SELP: variants seen among roughly 807,000 people sequenced by gnomAD.
SELP encodes the protein P-selectin.
SELP carries 92 observed loss-of-function variants against 104.1 expected under a neutral mutation model. The observed-to-expected ratio is 0.88, with a 90% confidence interval of 0.75 to 1.05. The LOEUF is 1.05. Ranked by LOEUF, SELP falls within the 50% of genes least tolerant of loss-of-function variation. The pLI is 0.00. For synonymous variants in SELP, 397 were observed against 364.5 expected (o/e 1.09, Z -1.01); for missense variants, 1,022 against 1,017.3 (o/e 1.00, Z -0.06).
chr1:169,596,609 C>T (rs1317026240), intron 11 of SELP, among the ~76,000 whole-genome samples: 1 of 152,212 alleles, frequency 6.6e-6, no homozygotes. Flanking sequence ...CATTAACTTG[C>T]CATGTGGCAG....
chr1:169,620,196 A>G (rs375557656), intron 1 of SELP, among the ~76,000 whole-genome samples: 2 of 152,134 alleles, frequency 1.3e-5, no homozygotes, highest in South Asian at 2.1e-4. Flanking sequence ...CGACAGTGCA[A>G]GACTCCGTCT....
At chr1:169,624,737 C>CA (rs1188242431) in intron 1 of SELP, among the ~76,000 whole-genome samples, 1 of 151,920 alleles carries the variant, frequency 6.6e-6, no homozygotes, top group African/African-American at 2.4e-5. Context: ...GACTCTTTCT[C>CA]AAAAAACAAA....
chr1:169,612,148 A>G lies in SELP; in HGVS notation c.961+69T>C, dbSNP rs1317847180. 4.7e-6 allele frequency: 7 copies of G among 1,499,090 alleles called. No individual in the cohort carries two copies. In the African/African-American group the frequency reaches 8.3e-5, roughly 18 times the overall value. 92.9% of individuals were successfully genotyped at this position (1,499,090 alleles called of 1,614,324 possible). The stretch of plus-strand genomic sequence containing the variant: ...GGCCAGCTTCTCCATAAGCTGGTCA[A>G]TTTCATCTATGCACTAAGTAAGGAC... On this transcript the variant is annotated intron_variant, in intron 6 of 16. Transcript: ENST00000263686.
At position 169,591,720 on chromosome 1, in the gene SELP, G is replaced by A. The variant is rs1661363435; in HGVS notation, c.2408-264C>T. On this transcript the variant is annotated intron_variant, in intron 14 of 16. Coordinates refer to ENST00000263686, the MANE Select transcript of SELP (RefSeq NM_003005.4). ...GTAAATACATAAATCAATTTCTTTT[G>A]AGGGCATCTTGTGTCACTTGCCCTC... is the stretch of plus-strand genomic sequence containing the variant. 3.0e-5 allele frequency: 9 copies of A among 300,738 alleles called. No homozygotes were observed. The South Asian group carries it at 4.7e-4, about 16-fold the overall frequency. The allele number at this position is 300,738 out of a possible 1,614,324, so 18.6% of individuals were successfully genotyped here.
intron 9 of SELP, among the ~76,000 whole-genome samples, chr1:169,606,591 G>A (rs1313777066): frequency 1.3e-5 from 2 of 151,786 alleles, no homozygotes; most frequent in African/African-American, 4.9e-5. Flanking sequence ...CCACTCTGAA[G>A]CAATTTTTTT....
chr1:169,593,514 G>T, intron 14 of SELP, 91 bp downstream of exon 14: 1 of 1,054,494 alleles, frequency 9.5e-7, no homozygotes, highest in Non-Finnish European at 1.4e-6. Flanking sequence ...TACTGAAGTT[G>T]TGGTTTTTGC....
chr1:169,617,336 T>G lies in SELP; in HGVS notation c.173A>C (p.Lys58Thr). The G allele has an allele frequency of 6.2e-7, 1 of 1,614,144 alleles. No individual in the cohort carries two copies. Among genetic ancestry groups the G allele is most frequent in the Non-Finnish European group, 8.5e-7 (1 of 1,180,014 alleles). Residue 58 changes from lysine (K) to threonine (T), a missense_variant, in exon 3 of 17, where the codon AAA becomes ACA. Transcript: ENST00000263686. ...TKAYSWNISR[K>T]YCQNRYTDLV... ...GTCTGTGTAGCGATTCTGGCAGTAT[T>G]TACGGGAAATATTCCATGAGTATGC... is the stretch of plus-strand genomic sequence containing the variant.
rs182958953 is a variant in SELP, at chr1:169,606,270, T to C, written c.1519+679A>G. On this transcript the variant is annotated intron_variant, in intron 9 of 16. Coordinates refer to ENST00000263686, the MANE Select transcript of SELP (RefSeq NM_003005.4). The stretch of plus-strand genomic sequence containing the variant: ...AGGCGGAGGTTGCAGTGGGCCGAGA[T>C]TGTGCCATTACACTCCAGCCTGGGC... 9.3e-4 allele frequency among the ~76,000 whole-genome samples: 141 copies of C among 152,286 alleles called. 1 individual carries two copies. Among genetic ancestry groups the C allele is most frequent in the African/African-American group, 3.3e-3 (137 of 41,560 alleles).
chr1:169,619,335 G>C lies in SELP; in HGVS notation c.4-116C>G, dbSNP rs1269796939. 14 of 762,672 alleles carry C rather than the reference G, an allele frequency of 1.8e-5. No homozygotes were observed. In the East Asian group the frequency reaches 3.6e-4, roughly 19 times the overall value. The allele number at this position is 762,672 out of a possible 1,614,324, so 47.2% of individuals were successfully genotyped here. ...ATAATTGTGCCAATTTCCACTGGAA[G>C]AGTGGTTCAAGCCCTCTGCTTCCTT... On this transcript the variant is annotated intron_variant, in intron 1 of 16. Transcript: ENST00000263686.
At chr1:169,611,053 G>C (rs936046002) in intron 7 of SELP, among the ~76,000 whole-genome samples, 3 of 152,058 alleles carry the variant, frequency 2.0e-5, no homozygotes, top group Non-Finnish European at 4.4e-5. Flanking sequence ...TCATTTTGGC[G>C]GAATTATGTA....
chr1:169,603,799 A>G (rs928197089), intron 9 of SELP, among the ~76,000 whole-genome samples: 2 of 152,204 alleles, frequency 1.3e-5, no homozygotes. Context: ...TCGAAATGGG[A>G]AAAAGGAAAA....
intron 9 of SELP, 144 bp downstream of exon 9, chr1:169,606,805 A>AAGATCTTG (rs1280747636): frequency 1.4e-6 from 1 of 723,318 alleles, no homozygotes; most frequent in East Asian, 2.8e-5. Context: ...CTTGGGTTAT[A>AAGATCTTG]GGACAAGAGG....
chr1:169,608,848 G>A (rs1431865790), intron 8 of SELP, among the ~76,000 whole-genome samples: 1 of 151,982 alleles, frequency 6.6e-6, no homozygotes, highest in Non-Finnish European at 1.5e-5. Context: ...GGTACTCCTC[G>A]TAAAAAAAAT....
chr1:169,597,244 C>T, intron 10 of SELP, 68 bp from the exon 11 acceptor site: 2 of 1,378,012 alleles, frequency 1.5e-6, no homozygotes, highest in Non-Finnish European at 9.8e-7. Context: ...ACACAAAGTT[C>T]ATTCACTTAT....
intron 14 of SELP, 33 bp from the exon 15 acceptor site, chr1:169,591,489 T>TAA (rs35706397): frequency 0.1 from 123,090 of 1,226,452 alleles, 1,856 homozygotes; most frequent in African/African-American, 0.12. Flanking sequence ...AATGAATGAT[T>TAA]AAAAAAAAAA....
intron 9 of SELP, among the ~76,000 whole-genome samples, chr1:169,606,032 C>T (rs1289185138): frequency 1.3e-5 from 2 of 152,108 alleles, no homozygotes; most frequent in Non-Finnish European, 2.9e-5. Context: ...ATATCAAGTA[C>T]AAGGCCGGGA....
intron 7 of SELP, among the ~76,000 whole-genome samples, chr1:169,609,894 T>C (rs944348096): frequency 6.6e-6 from 1 of 152,126 alleles, no homozygotes; most frequent in Admixed American, 6.5e-5. Flanking sequence ...CCTTCAGGTC[T>C]CAGCTTAGAC....
intron 10 of SELP, 106 bp downstream of exon 10, chr1:169,602,920 G>A: frequency 1.2e-6 from 1 of 843,392 alleles, no homozygotes; most frequent in Non-Finnish European, 1.8e-6. Context: ...GTTGTGGAGA[G>A]TGTTGTTTGC....
At chr1:169,623,195 A>G (rs1185905016) in intron 1 of SELP, among the ~76,000 whole-genome samples, 9 of 152,026 alleles carry the variant, frequency 5.9e-5, no homozygotes, top group Non-Finnish European at 1.2e-4. Flanking sequence ...TGCTCTATTC[A>G]GACAGATTGC....
Sources: gnomAD v4.1 joint callset for allele counts (sites outside exome capture counted in the v4.1 genomes callset) on GRCh38, gnomAD v4.1.1 for gene constraint, MANE v1.5 for transcripts, NCBI Gene and HGNC (gene_info 2026-07-23, HGNC 2026-07-21) for gene names.